The following ASPH variants were observed in gnomAD, a reference collection of about 807,000 sequenced individuals.
ASPH encodes the protein aspartate beta-hydroxylase, also known as aspartyl/asparaginyl beta-hydroxylase.
ASPH carries 100 observed loss-of-function variants against 118.4 expected under a neutral mutation model. That is an observed-to-expected ratio of 0.84 (90% CI 0.72 to 1.00). ASPH has a LOEUF of 1.00. Among genes scored for constraint, ASPH ranks in the 50% least tolerant of loss-of-function variants. ASPH has a pLI of 0.00. For missense variants in ASPH, 920 were observed against 919.5 expected, an observed-to-expected ratio of 1.00 and a Z score of -0.01; for synonymous variants, 315 against 325.6, an observed-to-expected ratio of 0.97 and a Z score of 0.35.
chr8:61,545,589 G>C (rs1434126244), intron 21 of ASPH, among the ~76,000 whole-genome samples: 1 of 152,212 alleles, frequency 6.6e-6, no homozygotes, highest in African/African-American at 2.4e-5. Flanking sequence ...AATTTTCACA[G>C]CAGTTAAACC....
intron 14 of ASPH, among the ~76,000 whole-genome samples, chr8:61,595,225 A>G (rs1842196209): frequency 6.6e-6 from 1 of 152,212 alleles, no homozygotes; most frequent in Non-Finnish European, 1.5e-5. Context: ...GCATGACAGG[A>G]TGACCACAAA....
chr8:61,680,857 G>C, intron 3 of ASPH, 111 bp downstream of exon 3: 1 of 807,736 alleles, frequency 1.2e-6, no homozygotes. Flanking sequence ...TGATTTAAGG[G>C]AGAAAAGTCT....
chr8:61,581,909 A>T (rs192203266), intron 15 of ASPH, among the ~76,000 whole-genome samples: 1 of 152,360 alleles, frequency 6.6e-6, no homozygotes, highest in African/African-American at 2.4e-5. Context: ...ATTGGAATAT[A>T]ATCTGATCTA....
At chr8:61,562,673 G>C in intron 18 of ASPH, 71 bp downstream of exon 18, 1 of 1,366,726 alleles carries the variant, frequency 7.3e-7, no homozygotes. Context: ...GAGAGACTGG[G>C]TATAATAAAT....
chr8:61,691,972 T>A (rs570483516), intron 1 of ASPH, among the ~76,000 whole-genome samples: 1 of 152,322 alleles, frequency 6.6e-6, no homozygotes, highest in African/African-American at 2.4e-5. Flanking sequence ...AATTACAGAA[T>A]GTCTACAGCT....
At chr8:61,570,553 C>A (rs1169649599) in intron 16 of ASPH, among the ~76,000 whole-genome samples, 1 of 152,082 alleles carries the variant, frequency 6.6e-6, no homozygotes, top group Non-Finnish European at 1.5e-5. Context: ...CTCTGGTGCC[C>A]CAGGGCCCTT....
intron 22 of ASPH, among the ~76,000 whole-genome samples, chr8:61,518,520 G>A (rs1811725336): frequency 6.6e-6 from 1 of 152,100 alleles, no homozygotes; most frequent in Non-Finnish European, 1.5e-5. Flanking sequence ...CTGTTGACTG[G>A]AAGCCTTACC....
chr8:61,647,434 G>A (rs1296356994), intron 5 of ASPH, among the ~76,000 whole-genome samples: 1 of 152,198 alleles, frequency 6.6e-6, no homozygotes, highest in African/African-American at 2.4e-5. Flanking sequence ...ACTTTGGGAG[G>A]CTGAGGCAGG....
At chr8:61,676,663 A>G (rs2151540178) in intron 3 of ASPH, among the ~76,000 whole-genome samples, 1 of 152,270 alleles carries the variant, frequency 6.6e-6, no homozygotes, top group South Asian at 2.1e-4. Context: ...AGGAAGAGTG[A>G]GTAAAAGCAG....
intron 3 of ASPH, among the ~76,000 whole-genome samples, chr8:61,677,300 T>C (rs762594957): frequency 6.6e-6 from 1 of 152,148 alleles, no homozygotes; most frequent in Non-Finnish European, 1.5e-5. Flanking sequence ...GTTTCTTAGC[T>C]CTAGTAGGTA....
chr8:61,560,580 C>T (rs1563818938), intron 18 of ASPH, among the ~76,000 whole-genome samples: 1 of 151,868 alleles, frequency 6.6e-6, no homozygotes, highest in African/African-American at 2.4e-5. Context: ...GCGACCCCCA[C>T]ACATATTTTC....
chr8:61,509,964 C>T (rs553776743), intron 24 of ASPH, among the ~76,000 whole-genome samples: 20 of 152,182 alleles, frequency 1.3e-4, no homozygotes, highest in African/African-American at 2.9e-4. Flanking sequence ...CCTTAAAGTC[C>T]CTTCCCCCAT....
rs765830901 is a variant in ASPH, at chr8:61,630,945, C to T, written c.934+2738G>A. On this transcript the variant is annotated intron_variant, in intron 13 of 24. Transcript: ENST00000379454. Reference sequence around the variant, plus strand: ...GACCTTTCAATGGGACAAGATGTGGCGGTGGAAGACAGTGATATTGATGAT... The same window carrying T: ...GACCTTTCAATGGGACAAGATGTGGTGGTGGAAGACAGTGATATTGATGAT... Among the ~76,000 whole-genome samples the T allele has an allele frequency of 1.2e-4, 18 of 151,868 alleles. No individual in the cohort carries two copies. In the East Asian group the frequency reaches 1.3e-3, roughly 11 times the overall value.
At chr8:61,588,279 G>A (rs754318643) in intron 14 of ASPH, among the ~76,000 whole-genome samples, 1 of 152,140 alleles carries the variant, frequency 6.6e-6, no homozygotes, top group Non-Finnish European at 1.5e-5. Flanking sequence ...TACTTCCCTT[G>A]CCAGGCTGTG....
intron 1 of ASPH, chr8:61,689,910 C>T: frequency 8.1e-7 from 1 of 1,231,020 alleles, no homozygotes; most frequent in Non-Finnish European, 1.0e-6. Context: ...CTGCTAATCA[C>T]CACTTAGGCT....
chr8:61,607,936 G>C (rs978845793), intron 14 of ASPH, among the ~76,000 whole-genome samples: 2 of 152,206 alleles, frequency 1.3e-5, no homozygotes, highest in Non-Finnish European at 2.9e-5. Flanking sequence ...CTCAGCTGCT[G>C]AAATCAGGGT....
intron 11 of ASPH, 111 bp from the exon 12 acceptor site, chr8:61,638,114 G>T: frequency 8.1e-7 from 1 of 1,239,940 alleles, no homozygotes; most frequent in Non-Finnish European, 1.1e-6. Flanking sequence ...CACTCAGATT[G>T]CTAAATTTGA....
intron 21 of ASPH, among the ~76,000 whole-genome samples, chr8:61,539,823 T>C (rs1821198693): frequency 1.3e-5 from 2 of 151,988 alleles, no homozygotes; most frequent in Non-Finnish European, 2.9e-5. Context: ...TTATTTTCAA[T>C]GTTACTATAG....
chr8:61,615,183 C>A (rs527862745), intron 14 of ASPH, among the ~76,000 whole-genome samples: 1 of 152,140 alleles, frequency 6.6e-6, no homozygotes, highest in African/African-American at 2.4e-5. Flanking sequence ...TACCAGCAAT[C>A]GCCTCCTTGT....
Sources: allele counts gnomAD v4.1 joint callset (sites outside exome capture counted in the v4.1 genomes callset), GRCh38; gene constraint gnomAD v4.1.1; transcripts MANE v1.5; gene names NCBI Gene and HGNC (gene_info 2026-07-23, HGNC 2026-07-21).